The following HSDL1 variants were observed in gnomAD, a reference collection of about 807,000 sequenced individuals.
HSDL1 encodes the protein inactive hydroxysteroid dehydrogenase-like protein 1.
HSDL1 carries 29 observed loss-of-function variants against 31.5 expected under a neutral mutation model. The observed-to-expected ratio is 0.92, with a 90% CI of 0.69 to 1.26. The LOEUF (loss-of-function observed/expected upper bound fraction) is 1.26. Among genes scored for constraint, HSDL1 ranks in the 50% most tolerant of loss-of-function variants. The pLI is 0.00. For synonymous variants in HSDL1, 222 were observed against 155.2 expected (o/e 1.43, Z -3.20); for missense variants, 503 against 416.6 (o/e 1.21, Z -1.81).
intron 1 of HSDL1, among the ~76,000 whole-genome samples, chr16:84,141,667 C>T (rs1329572809): frequency 6.6e-6 from 1 of 152,202 alleles, no homozygotes; most frequent in Non-Finnish European, 1.5e-5. Flanking sequence ...TGGTAGCGTC[C>T]AAAGCTTCAC....
Position 84,129,686 on chromosome 16 carries a change from G to A in HSDL1, c.756C>T (p.Ala252=). 6.2e-7 allele frequency: 1 copy of A among 1,614,152 alleles called. No individual in the cohort carries two copies. Among genetic ancestry groups the A allele is most frequent in the Non-Finnish European group, 8.5e-7 (1 of 1,180,004 alleles). ...FVQSLIPFYV[A]TSMTAPSNFL... ...AGTTGCTGGGTGCTGTCATGCTGGT[G>A]GCTACATAGAAAGGGATTAGACTCT... The change falls in exon 5 of 6, where the codon GCC becomes GCT. Residue 252 remains alanine, a synonymous_variant. Coordinates refer to ENST00000219439, the MANE Select transcript of HSDL1 (RefSeq NM_031463.5).
rs1317463892 is a variant in HSDL1, at chr16:84,123,162, G to C, written c.*1468C>G. 1 of 152,132 alleles carries C rather than the reference G, an allele frequency of 6.6e-6. No homozygotes were observed. Among genetic ancestry groups the C allele is most frequent in the Non-Finnish European group, 1.5e-5 (1 of 68,028 alleles). 9.4% of individuals were successfully genotyped at this position (152,132 alleles called of 1,614,324 possible). A position where few individuals can be genotyped will look rare whatever the true frequency, so the allele number is the denominator to read the frequency against. On this transcript the variant is annotated 3_prime_UTR_variant, in exon 6 of 6. Transcript: ENST00000219439. ...TAAGCGTGGAAGAGCTTCTGAAGTT[G>C]ACCACTGATCTTCTGAGTGCAAGTC...
At chr16:84,142,984 G>C (rs1012567707) in intron 1 of HSDL1, among the ~76,000 whole-genome samples, 1 of 152,172 alleles carries the variant, frequency 6.6e-6, no homozygotes, top group Admixed American at 6.5e-5. Context: ...TGAGCCTAAA[G>C]AGCAGCAACA....
chr16:84,141,546 G>A (rs1289441095), intron 1 of HSDL1, among the ~76,000 whole-genome samples: 1 of 152,242 alleles, frequency 6.6e-6, no homozygotes, highest in East Asian at 1.9e-4. Context: ...TTTGCCCATG[G>A]TTTAACTGCT....
chr16:84,138,168 T>C (rs541447228), intron 1 of HSDL1, among the ~76,000 whole-genome samples: 13 of 152,316 alleles, frequency 8.5e-5, no homozygotes, highest in Admixed American at 2.6e-4. Flanking sequence ...CAAAACCAAC[T>C]AAGGCAGCCT....
intron 1 of HSDL1, chr16:84,139,155 G>A (rs1266138172): frequency 1.3e-5 from 2 of 152,278 alleles, no homozygotes; most frequent in Non-Finnish European, 2.9e-5. Context: ...GAACGACAGT[G>A]TGGTGGGCAC....
chr16:84,130,061 T>G lies in HSDL1; in HGVS notation c.591A>C (p.Lys197Asn). Residue 197 changes from lysine to asparagine, a missense_variant, in exon 4 of 6, where the codon AAA becomes AAC. By Grantham distance (94) the Lys-to-Asn change is moderately conservative. Transcript: ENST00000219439. Reference sequence around the variant, plus strand: ...CAGAAGAGATCGTGACGATGGCACCTTTCTTTCTCTCCACCATTCCCGGTA... The same window carrying G: ...CAGAAGAGATCGTGACGATGGCACCGTTCTTTCTCTCCACCATTCCCGGTA... ...VVLPGMVERKKGAIVTISSGS... is the reference protein window; with the variant it reads ...VVLPGMVERKNGAIVTISSGS... 1 of 1,614,172 alleles carries G rather than the reference T, an allele frequency of 6.2e-7. No homozygotes were observed. Among genetic ancestry groups the G allele is most frequent in the Non-Finnish European group, 8.5e-7 (1 of 1,180,040 alleles).
intron 5 of HSDL1, among the ~76,000 whole-genome samples, chr16:84,127,785 C>T (rs757481479): frequency 4.5e-4 from 63 of 139,486 alleles, no homozygotes; most frequent in Non-Finnish European, 7.6e-4. Flanking sequence ...GTGGTGTGAT[C>T]TCGGCTCACT....
At chr16:84,132,790 G>A (rs530422132) in intron 2 of HSDL1, among the ~76,000 whole-genome samples, 5 of 152,230 alleles carry the variant, frequency 3.3e-5, no homozygotes, top group Middle Eastern at 3.4e-3. Context: ...TAAACCAACC[G>A]TGTGCATCCT....
rs1283448775 is a variant in HSDL1, at chr16:84,124,699, C to T, written c.924G>A (p.Trp308Ter). The T allele has an allele frequency of 3.7e-6, 6 of 1,613,558 alleles. No homozygotes were observed. Among genetic ancestry groups the T allele is most frequent in the Non-Finnish European group, 4.2e-6 (5 of 1,179,622 alleles). Residue 308 changes from tryptophan (W) to a stop codon, truncating the protein, a stop_gained, in exon 6 of 6, where the codon TGG (tryptophan) becomes TGA (stop). Transcript: ENST00000219439. LOFTEE classifies it high-confidence loss of function. The part of the protein sequence containing the change: ...QFLFAQYMPE[W>*]LWVWGANILN... ...GAATATTTGCTCCCCACACCCAGAG[C>T]CATTCAGGCATATACTGTGCAAAAA... is the stretch of plus-strand genomic sequence containing the variant.
At chr16:84,140,322 T>C (rs926375068) in intron 1 of HSDL1, among the ~76,000 whole-genome samples, 3 of 152,210 alleles carry the variant, frequency 2.0e-5, no homozygotes, top group Admixed American at 6.5e-5. Flanking sequence ...TGGAGTGCAA[T>C]GGTGCAATTT....
At chr16:84,138,057 T>C (rs2086729059) in intron 1 of HSDL1, among the ~76,000 whole-genome samples, 1 of 152,228 alleles carries the variant, frequency 6.6e-6, no homozygotes, top group Non-Finnish European at 1.5e-5. Flanking sequence ...TAATGAGGGC[T>C]CCACCACCTT....
intron 2 of HSDL1, among the ~76,000 whole-genome samples, chr16:84,131,706 A>G (rs1597375382): frequency 8.7e-6 from 1 of 115,142 alleles, no homozygotes; most frequent in Non-Finnish European, 1.7e-5. Flanking sequence ...TTTGAGACGG[A>G]GTCTCGCTGT....
In HSDL1 at chr16:84,122,237, CCAAATTA is replaced by C. The variant is rs1443696808; in HGVS notation, c.*2386_*2392del. On this transcript the variant is annotated 3_prime_UTR_variant, in exon 6 of 6. Transcript: ENST00000219439. ...CCTAAGAAAAAAAAATTCTCTCATT[CCAAATTA>C]CAAACAACCAAATTACAAACATCTG... 2 of 152,448 alleles carry C rather than the reference CCAAATTA, an allele frequency of 1.3e-5. No individual in the cohort carries two copies. Among genetic ancestry groups the C allele is most frequent in the East Asian group, 3.8e-4 (2 of 5,200 alleles). The allele number at this position is 152,448 out of a possible 1,614,324, so 9.4% of individuals were successfully genotyped here. A position where few individuals can be genotyped will look rare whatever the true frequency, so the allele number is the denominator to read the frequency against.
intron 1 of HSDL1, among the ~76,000 whole-genome samples, chr16:84,144,073 C>CCT (rs140146164): frequency 4.0e-3 from 579 of 143,948 alleles, no homozygotes; most frequent in African/African-American, 7.7e-3. Flanking sequence ...TCCCTCCCTC[C>CCT]CTCTCTCTCT....
At chr16:84,144,436 T>A (rs545402843) in intron 1 of HSDL1, 1 of 152,308 alleles carries the variant, frequency 6.6e-6, no homozygotes, top group East Asian at 2.0e-4. Flanking sequence ...TGGGGCTGCG[T>A]CTGGGTGGCA....
chr16:84,128,476 C>A (rs2151185576), intron 5 of HSDL1, among the ~76,000 whole-genome samples: 1 of 152,156 alleles, frequency 6.6e-6, no homozygotes, highest in Middle Eastern at 3.4e-3. Context: ...AAACAATAAG[C>A]TTAAAATAAA....
chr16:84,141,007 C>T (rs1270628704), intron 1 of HSDL1, among the ~76,000 whole-genome samples: 3 of 150,492 alleles, frequency 2.0e-5, no homozygotes, highest in Non-Finnish European at 4.4e-5. Context: ...AGGAGAATGG[C>T]GTGAACCCGG....
chr16:84,129,888 G>C (rs1187579264), intron 4 of HSDL1, 98 bp downstream of exon 4: 25 of 1,404,178 alleles, frequency 1.8e-5, no homozygotes, highest in African/African-American at 4.3e-5. Flanking sequence ...ATAAGCATAT[G>C]TGAGTTGCTG....
Sources: gnomAD v4.1 joint callset for allele counts (sites outside exome capture counted in the v4.1 genomes callset) on GRCh38, gnomAD v4.1.1 for gene constraint, MANE v1.5 for transcripts, NCBI Gene and HGNC (gene_info 2026-07-23, HGNC 2026-07-21) for gene names.